MALT1: variants seen among roughly 807,000 people sequenced by gnomAD.
MALT1 encodes the protein mucosa-associated lymphoid tissue lymphoma translocation protein 1.
MALT1 carries 36 observed loss-of-function variants against 85.5 expected under a neutral mutation model. That is an observed-to-expected ratio of 0.42 (90% CI 0.32 to 0.56). The LOEUF (loss-of-function observed/expected upper bound fraction) is 0.56. Among genes scored for constraint, MALT1 ranks in the 20% least tolerant of loss-of-function variants. The probability of loss-of-function intolerance (pLI) is 0.10; values close to 1 mark genes in which losing one functional copy is unlikely to be tolerated. For missense variants in MALT1, 716 were observed against 981.6 expected (o/e 0.73, Z 3.62); for synonymous variants, 359 against 361.3 (o/e 0.99, Z 0.07).
intron 2 of MALT1, among the ~76,000 whole-genome samples, chr18:58,683,787 C>T (rs2054357244): frequency 6.6e-6 from 1 of 152,196 alleles, no homozygotes; most frequent in Non-Finnish European, 1.5e-5. Flanking sequence ...ATTTGGCTTA[C>T]AGACTTTCTC....
intron 12 of MALT1, 131 bp downstream of exon 12, chr18:58,734,512 C>A: frequency 2.9e-6 from 2 of 682,240 alleles, no homozygotes; most frequent in South Asian, 3.5e-5. Flanking sequence ...TAGCTCACTG[C>A]TCCTGGGCTC....
At chr18:58,708,991 A>T (rs931244949) in intron 4 of MALT1, among the ~76,000 whole-genome samples, 3 of 152,230 alleles carry the variant, frequency 2.0e-5, no homozygotes, top group Non-Finnish European at 4.4e-5. Context: ...AGAGCTTTCC[A>T]TGTTAAATGC....
At chr18:58,719,564 G>C (rs547436665) in intron 9 of MALT1, among the ~76,000 whole-genome samples, 26 of 152,336 alleles carry the variant, frequency 1.7e-4, no homozygotes, top group African/African-American at 6.0e-4. Flanking sequence ...TGAACTGGCA[G>C]AGGGGTCACA....
At chr18:58,673,088 G>T (rs1202054072) in intron 1 of MALT1, among the ~76,000 whole-genome samples, 1 of 152,044 alleles carries the variant, frequency 6.6e-6, no homozygotes, top group East Asian at 1.9e-4. Context: ...ATAATTATTT[G>T]TACACATCTT....
chr18:58,740,187 T>C (rs562473644), intron 13 of MALT1, among the ~76,000 whole-genome samples: 21 of 152,350 alleles, frequency 1.4e-4, no homozygotes, highest in African/African-American at 4.6e-4. Flanking sequence ...TCCATAGTTA[T>C]ATATCCGTTT....
chr18:58,723,062 G>C lies in MALT1; in HGVS notation c.1033G>C (p.Ala345Pro). 1 of 1,613,024 alleles carries C rather than the reference G, an allele frequency of 6.2e-7. No homozygotes were observed. Among genetic ancestry groups the C allele is most frequent in the Non-Finnish European group, 8.5e-7 (1 of 1,179,454 alleles). Residue 345 changes from alanine to proline, a missense_variant, in exon 10 of 17, where the codon GCC becomes CCC. By Grantham distance (27) the Ala-to-Pro change is conservative. Around this residue, in one of 4 missense-constraint regions of MALT1, gnomAD observed 290 missense variants for 380.5 expected, o/e 0.76. Transcript: ENST00000649217. ...TTTTTTCAAAGCGAAGGACAAGGTTGCCCTTTTGATAGGAAATATGAATTA... is the reference window on the plus strand; with the variant it reads ...TTTTTTCAAAGCGAAGGACAAGGTTCCCCTTTTGATAGGAAATATGAATTA... ...TDQPLAKDKV[A>P]LLIGNMNYRE...
At chr18:58,703,748 G>A (rs1209668465) in intron 4 of MALT1, among the ~76,000 whole-genome samples, 1 of 152,148 alleles carries the variant, frequency 6.6e-6, no homozygotes, top group African/African-American at 2.4e-5. Context: ...TGAAATTTGG[G>A]TGGGGACACA....
intron 10 of MALT1, among the ~76,000 whole-genome samples, chr18:58,732,008 AGAC>A (rs1268462367): frequency 6.6e-6 from 1 of 152,210 alleles, no homozygotes; most frequent in Non-Finnish European, 1.5e-5. Context: ...CAGAAAAAGC[AGAC>A]GACCTGGATT....
At chr18:58,726,575 A>C (rs1314835878) in intron 10 of MALT1, among the ~76,000 whole-genome samples, 4 of 152,246 alleles carry the variant, frequency 2.6e-5, no homozygotes, top group Admixed American at 6.5e-5. Flanking sequence ...GAAGAAATAA[A>C]AGTTGCAACA....
chr18:58,717,746 CAAAAAAAAAAAA>C (rs35207196), intron 9 of MALT1, among the ~76,000 whole-genome samples: 2 of 100,570 alleles, frequency 2.0e-5, no homozygotes, highest in African/African-American at 7.5e-5. Flanking sequence ...ACTCTTGTCT[CAAAAAAAAAAAA>C]AAAAAAAAAG....
intron 10 of MALT1, 44 bp from the exon 11 acceptor site, chr18:58,733,353 T>C: frequency 7.6e-7 from 1 of 1,317,470 alleles, no homozygotes; most frequent in Non-Finnish European, 1.1e-6. Context: ...TCAGAGTGCA[T>C]TTAGAATTGA....
rs1247819711 is a variant in MALT1 at position 58,748,690 on chromosome 18, A to C, written c.*848A>C. ...AATATGTATTTTCTTCTTGAATTTCACTGGCCTAATGAGATAATACTCTTA... is the reference window on the plus strand; with the variant it reads ...AATATGTATTTTCTTCTTGAATTTCCCTGGCCTAATGAGATAATACTCTTA... On this transcript the variant is annotated 3_prime_UTR_variant, in exon 17 of 17. Coordinates refer to ENST00000649217, the MANE Select transcript of MALT1 (RefSeq NM_006785.4). 1 of 193,580 alleles carries C rather than the reference A, an allele frequency of 5.2e-6. No homozygotes were observed. The highest frequency in any genetic ancestry group is 2.3e-5 in the African/African-American group (1 of 43,196). The allele number at this position is 193,580 out of a possible 1,614,324, so 12.0% of individuals were successfully genotyped here.
At chr18:58,712,865 AT>A (rs909111790) in intron 7 of MALT1, among the ~76,000 whole-genome samples, 3 of 152,126 alleles carry the variant, frequency 2.0e-5, no homozygotes, top group Admixed American at 2.0e-4. Context: ...GAATAGGTGG[AT>A]TTTTTTAGGG....
chr18:58,695,336 TGA>T (rs796156351), intron 2 of MALT1, among the ~76,000 whole-genome samples: 9 of 152,238 alleles, frequency 5.9e-5, no homozygotes, highest in African/African-American at 2.2e-4. Flanking sequence ...GGCGAGTGAG[TGA>T]GAGAGAGGCA....
intron 12 of MALT1, 68 bp downstream of exon 12, chr18:58,734,449 A>C: frequency 1.6e-6 from 2 of 1,258,828 alleles, no homozygotes; most frequent in Non-Finnish European, 2.3e-6. Flanking sequence ...TTTGCTTTTT[A>C]GGAGCAGGGG....
In MALT1 at chr18:58,706,131, G is replaced by A. The variant is rs11152088; in HGVS notation, c.650-3247G>A. On this transcript the variant is annotated intron_variant, in intron 4 of 16. Coordinates refer to ENST00000649217, the MANE Select transcript of MALT1 (RefSeq NM_006785.4). The stretch of plus-strand genomic sequence containing the variant: ...CTCCCGAGTAGGTGGGACTACAGGC[G>A]CCCGCCACCACGCCTGGCTAATTTT... Among the ~76,000 whole-genome samples, 188 of 151,634 alleles carry A rather than the reference G, an allele frequency of 1.2e-3. 3 individuals carry two copies. The highest frequency in any genetic ancestry group is 4.0e-3 in the African/African-American group (167 of 41,324).
chr18:58,681,300 G>C lies in MALT1; in HGVS notation c.340G>C (p.Glu114Gln). Residue 114 changes from glutamate to glutamine, a missense_variant, in exon 2 of 17, where the codon GAA becomes CAA. Physicochemically the swap from Glu to Gln is conservative, Grantham distance 29 (BLOSUM62 2). This residue lies in a region of MALT1 where 290 missense variants were observed against 380.5 expected (regional missense o/e 0.76). Coordinates refer to ENST00000649217, the MANE Select transcript of MALT1 (RefSeq NM_006785.4). ...ATTGAGTGATTTCCTGCAGGCTATG[G>C]AACACACTGAAGTTCTTCAGCTTCT... ...TELSDFLQAM[E>Q]HTEVLQLLSP... is the part of the protein sequence containing the mutation. 6.2e-7 allele frequency: 1 copy of C among 1,614,088 alleles called. No homozygotes were observed. The highest frequency in any genetic ancestry group is 8.5e-7 in the Non-Finnish European group (1 of 1,179,990).
In MALT1 at chr18:58,696,426, T is replaced by C; in HGVS notation, c.437T>C (p.Leu146Pro). The C allele has an allele frequency of 6.3e-7, 1 of 1,598,242 alleles. No individual in the cohort carries two copies. The highest frequency in any genetic ancestry group is 8.5e-7 in the Non-Finnish European group (1 of 1,172,422). ...KAVLAGQFVK[L>P]CCRATGHPFV... ...GTCTTGGCTGGACAGTTTGTGAAACTGTGTTGCCGGGCAACTGGACATCCT... is the reference window on the plus strand; with the variant it reads ...GTCTTGGCTGGACAGTTTGTGAAACCGTGTTGCCGGGCAACTGGACATCCT... Residue 146 changes from leucine (L) to proline (P), a missense_variant, in exon 3 of 17, where the codon CTG becomes CCG. Leu to Pro is a moderately conservative substitution (Grantham distance 98). Around this residue, in one of 4 missense-constraint regions of MALT1, gnomAD observed 290 missense variants for 380.5 expected, o/e 0.76. Transcript: ENST00000649217.
intron 3 of MALT1, among the ~76,000 whole-genome samples, chr18:58,698,076 T>G (rs1276407352): frequency 4.2e-4 from 9 of 21,334 alleles, no homozygotes; most frequent in African/African-American, 9.4e-4. Flanking sequence ...TGTTTTTTTG[T>G]TTTTTTTTTG....
Sources: gnomAD v4.1 joint callset for allele counts (sites outside exome capture counted in the v4.1 genomes callset) on GRCh38, gnomAD v4.1.1 for gene constraint, gnomAD v4.1.1 regional missense constraint, MANE v1.5 for transcripts, NCBI Gene and HGNC (gene_info 2026-07-23, HGNC 2026-07-21) for gene names.